MEIKIN: variants seen among roughly 807,000 people sequenced by gnomAD.
MEIKIN encodes meiosis-specific kinetochore protein.
intron 11 of MEIKIN, among the ~76,000 whole-genome samples, chr5:131,839,602 T>C (rs546253281): frequency 3.6e-4 from 55 of 152,374 alleles, no homozygotes; most frequent in African/African-American, 6.0e-4. Flanking sequence ...TTTACCATTA[T>C]GTAATGCCCT....
chr5:131,937,551 G>A (rs1011472254), intron 4 of MEIKIN, among the ~76,000 whole-genome samples: 6 of 151,596 alleles, frequency 4.0e-5, no homozygotes, highest in East Asian at 1.9e-4. Context: ...CCTTTCCCCC[G>A]AGAAAGGCTC....
At chr5:131,925,334 T>C (rs1306904924) in intron 5 of MEIKIN, among the ~76,000 whole-genome samples, 3 of 152,232 alleles carry the variant, frequency 2.0e-5, no homozygotes, top group Non-Finnish European at 4.4e-5. Flanking sequence ...GAGATTTTGA[T>C]AGAGATTGCA....
intron 11 of MEIKIN, among the ~76,000 whole-genome samples, chr5:131,819,642 C>T (rs936324385): frequency 2.0e-5 from 3 of 149,924 alleles, no homozygotes; most frequent in African/African-American, 7.4e-5. Context: ...TTCTGTTGCC[C>T]GGGCTGGAGT....
In MEIKIN at chr5:131,854,778, T is replaced by C; in HGVS notation, c.831A>G (p.Pro277=). The C allele has an allele frequency of 2.5e-6, 1 of 397,976 alleles. No homozygotes were observed. The highest frequency in any genetic ancestry group is 4.4e-5 in the Admixed American group (1 of 22,730). 24.7% of individuals were successfully genotyped at this position (397,976 alleles called of 1,614,324 possible). Residue 277 remains proline, a synonymous_variant, in exon 10 of 13, where the codon CCA becomes CCG. Transcript: ENST00000442687. ...CCACAAAACCAGCTGTCTCTGAAGATGGAGTACTTGTTAAAAGGCCTCTGT... is the reference window on the plus strand; with the variant it reads ...CCACAAAACCAGCTGTCTCTGAAGACGGAGTACTTGTTAAAAGGCCTCTGT... ...KKNRGLLTST[P]SSETAGFVID...
At chr5:131,904,701 T>C (rs564395373) in intron 8 of MEIKIN, among the ~76,000 whole-genome samples, 2 of 152,304 alleles carry the variant, frequency 1.3e-5, no homozygotes, top group East Asian at 1.9e-4. Flanking sequence ...CGTATGCTTA[T>C]TGCAGCACTG....
At chr5:131,818,497 C>T (rs552246398) in intron 12 of MEIKIN, among the ~76,000 whole-genome samples, 1 of 151,968 alleles carries the variant, frequency 6.6e-6, no homozygotes, top group South Asian at 2.1e-4. Context: ...GATAGCTCAC[C>T]ATAACCTTGA....
intron 12 of MEIKIN, among the ~76,000 whole-genome samples, chr5:131,818,326 T>A (rs1773138639): frequency 6.6e-6 from 1 of 152,246 alleles, no homozygotes; most frequent in Non-Finnish European, 1.5e-5. Flanking sequence ...AAATATATTT[T>A]ACATTAGTGC....
intron 12 of MEIKIN, among the ~76,000 whole-genome samples, chr5:131,808,944 C>CT (rs1772898938): frequency 1.3e-5 from 2 of 152,126 alleles, no homozygotes; most frequent in Non-Finnish European, 2.9e-5. Flanking sequence ...GGCATGGTAG[C>CT]ACCTGCCTGT....
At chr5:131,846,283 AT>A (rs1404453860) in intron 11 of MEIKIN, among the ~76,000 whole-genome samples, 3 of 152,220 alleles carry the variant, frequency 2.0e-5, no homozygotes, top group Non-Finnish European at 4.4e-5. Flanking sequence ...AGGGAGTCCT[AT>A]AAGGTGAAAT....
chr5:131,816,840 A>G (rs947237488), intron 12 of MEIKIN, among the ~76,000 whole-genome samples: 2 of 152,192 alleles, frequency 1.3e-5, no homozygotes, highest in Non-Finnish European at 2.9e-5. Context: ...TCAGCACTGT[A>G]AATTAGGTTG....
At chr5:131,901,515 T>C (rs561213363) in intron 8 of MEIKIN, among the ~76,000 whole-genome samples, 2 of 152,296 alleles carry the variant, frequency 1.3e-5, no homozygotes, top group East Asian at 3.9e-4. Context: ...TGTACCCTGC[T>C]GCACTGCCAC....
intron 11 of MEIKIN, among the ~76,000 whole-genome samples, chr5:131,844,081 G>C (rs1212830817): frequency 1.3e-5 from 2 of 152,114 alleles, no homozygotes; most frequent in Non-Finnish European, 2.9e-5. Context: ...AGGAGAAAAA[G>C]AAAAGGGAGA....
chr5:131,920,843 A>C (rs1751492409), intron 6 of MEIKIN, among the ~76,000 whole-genome samples: 1 of 152,014 alleles, frequency 6.6e-6, no homozygotes, highest in African/African-American at 2.4e-5. Flanking sequence ...CTGGGACTAC[A>C]GGCGTGCACC....
At chr5:131,945,372 T>C (rs997938836) in intron 1 of MEIKIN, 28 bp downstream of exon 1, 20 of 398,884 alleles carry the variant, frequency 5.0e-5, no homozygotes, top group Non-Finnish European at 7.1e-5. Context: ...TCGGCTGAGC[T>C]TACGGTGGGC....
chr5:131,847,080 T>A (rs1431955823), intron 11 of MEIKIN, among the ~76,000 whole-genome samples: 2 of 151,400 alleles, frequency 1.3e-5, no homozygotes, highest in Non-Finnish European at 2.9e-5. Context: ...AGAAATAAAT[T>A]CAAATATTTC....
Position 131,856,945 on chromosome 5 carries a change from T to C in MEIKIN, c.775-2111A>G, listed in dbSNP as rs534050116. 4.4e-3 allele frequency among the ~76,000 whole-genome samples: 667 copies of C among 151,618 alleles called. 5 individuals are homozygous for C. Among genetic ancestry groups the C allele is most frequent in the Middle Eastern group, 6.8e-3 (2 of 294 alleles). Reference sequence around the variant, plus strand: ...TACCTGCATTGCTTTCTTTTTTTTTTCTTTTTATTTATTTATTTATTTTTA... The same window carrying C: ...TACCTGCATTGCTTTCTTTTTTTTTCCTTTTTATTTATTTATTTATTTTTA... On this transcript the variant is annotated intron_variant, in intron 9 of 12. Transcript: ENST00000442687.
At chr5:131,882,639 G>A (rs966726396) in intron 8 of MEIKIN, among the ~76,000 whole-genome samples, 4 of 152,114 alleles carry the variant, frequency 2.6e-5, no homozygotes, top group African/African-American at 9.7e-5. Context: ...GCTCTAAGAT[G>A]ATCTAAGATG....
At chr5:131,909,752 GA>G (rs1344913645) in intron 8 of MEIKIN, among the ~76,000 whole-genome samples, 4 of 152,086 alleles carry the variant, frequency 2.6e-5, no homozygotes, top group Admixed American at 1.3e-4. Context: ...AATTAAAAAT[GA>G]GCAAAAGACC....
chr5:131,868,611 C>T (rs1750431268), intron 9 of MEIKIN, among the ~76,000 whole-genome samples: 2 of 151,722 alleles, frequency 1.3e-5, no homozygotes, highest in Admixed American at 6.6e-5. Context: ...CACTCTGTTG[C>T]CTAGGCAGCA....
Sources: gnomAD v4.1 joint callset for allele counts (sites outside exome capture counted in the v4.1 genomes callset) on GRCh38, gnomAD v4.1.1 for gene constraint, MANE v1.5 for transcripts, NCBI Gene and HGNC (gene_info 2026-07-23, HGNC 2026-07-21) for gene names.